ZNF407: variants seen among roughly 807,000 people sequenced by gnomAD.
ZNF407 encodes the protein zinc finger protein 407.
ZNF407 carries 17 observed loss-of-function variants against 131.2 expected under a neutral mutation model. The observed-to-expected ratio is 0.13, with a 90% CI of 0.09 to 0.19. The LOEUF (loss-of-function observed/expected upper bound fraction) is 0.19, where lower values mean the gene tolerates loss of function less well. ZNF407 is among the 10% of genes least tolerant of loss of function. The pLI, the probability that ZNF407 is intolerant of heterozygous loss-of-function variation, is 1.00. For synonymous variants in ZNF407, 1,156 were observed against 1,062.0 expected (o/e 1.09, Z -1.72); for missense variants, 2,681 against 2,830.6 (o/e 0.95, Z 1.20).
At chr18:74,672,056 T>C (rs1276846642) in intron 3 of ZNF407, among the ~76,000 whole-genome samples, 1 of 152,154 alleles carries the variant, frequency 6.6e-6, no homozygotes, top group Non-Finnish European at 1.5e-5. Flanking sequence ...GAGTGGTTTA[T>C]AGTCCTCTGG....
intron 3 of ZNF407, among the ~76,000 whole-genome samples, chr18:74,663,232 T>C (rs1404336602): frequency 6.6e-6 from 1 of 152,190 alleles, no homozygotes; most frequent in Non-Finnish European, 1.5e-5. Context: ...TTTAGATGCT[T>C]GTCCCCGGGT....
rs1688245264 is a variant in ZNF407, at chr18:74,634,877, A to G, written c.3858A>G (p.Ala1286=). The G allele has an allele frequency of 3.7e-6, 6 of 1,613,494 alleles. 1 individual carries two copies. In the South Asian group the frequency reaches 6.6e-5, roughly 18 times the overall value. ...AGAGCGGGGGTCAGAACAGAGTTGC[A>G]CGTGGGCATGGTTTGGAAGACTTGA... The part of the protein sequence containing the change: ...NLESGGQNRV[A]RGHGLEDLKG... Residue 1286 remains alanine (A), a synonymous_variant, in exon 2 of 9, where the codon GCA becomes GCG. Coordinates refer to ENST00000299687, the MANE Select transcript of ZNF407 (RefSeq NM_017757.3).
chr18:74,858,754 T>G (rs1376055982), intron 4 of ZNF407, among the ~76,000 whole-genome samples: 1 of 152,136 alleles, frequency 6.6e-6, no homozygotes, highest in East Asian at 1.9e-4. Context: ...AATTTCTAGA[T>G]TCAAGAAAAA....
intron 8 of ZNF407, among the ~76,000 whole-genome samples, chr18:75,022,076 G>A (rs184613357): frequency 2.6e-5 from 4 of 152,086 alleles, no homozygotes; most frequent in Admixed American, 2.6e-4. Context: ...ATAAACAAAT[G>A]TCTGGAAAGG....
intron 4 of ZNF407, among the ~76,000 whole-genome samples, chr18:74,848,953 T>C (rs997625853): frequency 1.1e-4 from 16 of 152,188 alleles, no homozygotes; most frequent in Admixed American, 6.5e-5. Flanking sequence ...GCTTGAAAAT[T>C]CTGCGTTGTA....
intron 8 of ZNF407, among the ~76,000 whole-genome samples, chr18:74,962,206 A>G (rs887817946): frequency 6.6e-6 from 1 of 152,220 alleles, no homozygotes; most frequent in Non-Finnish European, 1.5e-5. Context: ...AAATGGAAGC[A>G]ACACAGAAAC....
In ZNF407 at chr18:75,045,398, G is replaced by C. The variant is rs374084226; in HGVS notation, c.5429-17752G>C. On this transcript the variant is annotated intron_variant, in intron 8 of 8. Coordinates refer to ENST00000299687, the MANE Select transcript of ZNF407 (RefSeq NM_017757.3). Reference sequence around the variant, plus strand: ...TAAATTCCTTTTTCAGGCTTAAGTTGGGGCATTCAGCAAAACAATTGTCAA... The same window carrying C: ...TAAATTCCTTTTTCAGGCTTAAGTTCGGGCATTCAGCAAAACAATTGTCAA... Among the ~76,000 whole-genome samples the C allele has an allele frequency of 3.9e-5, 6 of 152,226 alleles. No homozygotes were observed. The South Asian group carries it at 1.0e-3, about 26-fold the overall frequency.
chr18:74,787,509 T>C (rs575327983), intron 4 of ZNF407, among the ~76,000 whole-genome samples: 5 of 152,220 alleles, frequency 3.3e-5, no homozygotes, highest in Non-Finnish European at 7.3e-5. Context: ...CAGATACTTA[T>C]GGCTCCTCTG....
intron 3 of ZNF407, among the ~76,000 whole-genome samples, chr18:74,695,925 G>A (rs1967344072): frequency 6.6e-6 from 1 of 152,190 alleles, no homozygotes; most frequent in African/African-American, 2.4e-5. Flanking sequence ...TTTCTTTTAA[G>A]TTGATGGAAA....
chr18:74,877,333 G>A lies in ZNF407; in HGVS notation c.5014G>A (p.Ala1672Thr), dbSNP rs369381731. 8.1e-6 allele frequency: 13 copies of A among 1,613,466 alleles called. No individual in the cohort carries two copies. Among genetic ancestry groups the A allele is most frequent in the Admixed American group, 1.7e-5 (1 of 60,008 alleles). ...TCHYSFLTAS[A>T]MKDHYRTHTG... The stretch of plus-strand genomic sequence containing the variant: ...CCATTACTCATTCCTCACAGCCTCC[G>A]CAATGAAAGACCACTACAGGACGCA... Residue 1672 changes from alanine (A) to threonine (T), a missense_variant, in exon 5 of 9, where the codon GCA becomes ACA. Physicochemically the swap from Ala to Thr is moderately conservative, Grantham distance 58 (BLOSUM62 0). Transcript: ENST00000299687.
At chr18:74,603,021 G>A (rs1982649896) in intron 1 of ZNF407, among the ~76,000 whole-genome samples, 1 of 152,162 alleles carries the variant, frequency 6.6e-6, no homozygotes, top group Non-Finnish European at 1.5e-5. Context: ...AGGCAGCCCG[G>A]CAGATCATGG....
At chr18:75,020,316 ATG>A (rs56845489) in intron 8 of ZNF407, among the ~76,000 whole-genome samples, 3,139 of 149,742 alleles carry the variant, frequency 0.021, 77 homozygotes, top group African/African-American at 0.06. Flanking sequence ...GTGTATGTGC[ATG>A]TGTGTGTGTG....
At chr18:74,821,502 T>C (rs571445249) in intron 4 of ZNF407, among the ~76,000 whole-genome samples, 27 of 152,102 alleles carry the variant, frequency 1.8e-4, no homozygotes, top group East Asian at 1.6e-3. Context: ...CTCCCACTTA[T>C]GAGTGAGAAC....
In ZNF407 at chr18:74,617,663, C is replaced by G. The variant is rs1039886247; in HGVS notation, c.-53-13304C>G. Among the ~76,000 whole-genome samples the G allele has an allele frequency of 1.3e-4, 20 of 152,140 alleles. 1 individual carries two copies. Among genetic ancestry groups the G allele is most frequent in the African/African-American group, 4.8e-4 (20 of 41,436 alleles). On this transcript the variant is annotated intron_variant, in intron 1 of 8. Coordinates refer to ENST00000299687, the MANE Select transcript of ZNF407 (RefSeq NM_017757.3). ...TGACCAGGTGATGTCATGCCCTTCT[C>G]AGGGGGTCACGTCTGGAGACACACT...
intron 3 of ZNF407, among the ~76,000 whole-genome samples, chr18:74,767,905 A>T (rs970465586): frequency 1.1e-4 from 16 of 147,626 alleles, no homozygotes; most frequent in Non-Finnish European, 2.1e-4. Flanking sequence ...TGACCTCATG[A>T]TCCACCCACC....
chr18:74,766,660 C>A (rs1382143700), intron 3 of ZNF407, among the ~76,000 whole-genome samples: 1 of 152,144 alleles, frequency 6.6e-6, no homozygotes, highest in Non-Finnish European at 1.5e-5. Flanking sequence ...AAAGAAGATA[C>A]ACTTCTAGCC....
intron 3 of ZNF407, among the ~76,000 whole-genome samples, chr18:74,672,680 C>T (rs1286620478): frequency 2.0e-5 from 3 of 149,520 alleles, no homozygotes; most frequent in Admixed American, 2.0e-4. Context: ...CTGTTTTTAT[C>T]TGCTCATCCT....
At chr18:74,995,828 G>C (rs887994229) in intron 8 of ZNF407, among the ~76,000 whole-genome samples, 1 of 152,184 alleles carries the variant, frequency 6.6e-6, no homozygotes, top group Non-Finnish European at 1.5e-5. Context: ...CTTTGTGTTA[G>C]ATCAGGGAAA....
At chr18:74,992,377 G>T (rs1309986604) in intron 8 of ZNF407, among the ~76,000 whole-genome samples, 2 of 152,206 alleles carry the variant, frequency 1.3e-5, no homozygotes, top group Non-Finnish European at 2.9e-5. Context: ...GTCTGGGTAG[G>T]CCTTGTTGGG....
Sources: gnomAD v4.1 joint callset for allele counts (sites outside exome capture counted in the v4.1 genomes callset) on GRCh38, gnomAD v4.1.1 for gene constraint, MANE v1.5 for transcripts, NCBI Gene and HGNC (gene_info 2026-07-23, HGNC 2026-07-21) for gene names.